Variants in NSUN2 observed in about 807,000 individuals in gnomAD.
NSUN2 encodes the protein RNA cytosine C(5)-methyltransferase NSUN2.
Under a neutral mutation model 92.7 loss-of-function variants are expected in NSUN2, and 63 were observed. That is an observed-to-expected ratio of 0.68 (90% CI 0.56 to 0.84). NSUN2 has a LOEUF of 0.84. Ranked by LOEUF, NSUN2 falls within the 40% of genes least tolerant of loss-of-function variation. NSUN2 has a pLI of 0.00. For synonymous variants in NSUN2, 356 were observed against 348.3 expected (o/e 1.02, Z -0.25); for missense variants, 989 against 964.9 (o/e 1.02, Z -0.33).
At chr5:6,604,324 T>C (rs1468516626) in intron 16 of NSUN2, 48 bp from the exon 17 acceptor site, 1 of 1,519,588 alleles carries the variant, frequency 6.6e-7, no homozygotes, top group Non-Finnish European at 9.0e-7. Flanking sequence ...ATGTCATTCA[T>C]GAACGACAAC....
chr5:6,599,888 CGT>C lies in NSUN2; in HGVS notation c.*36_*37del, dbSNP rs746234250. 5 of 1,584,472 alleles carry C rather than the reference CGT, an allele frequency of 3.2e-6. No individual in the cohort carries two copies. The highest frequency in any genetic ancestry group is 4.3e-6 in the Non-Finnish European group (5 of 1,162,798). The stretch of plus-strand genomic sequence containing the variant: ...CAGTGACCAGAAGAAGCCAGTTTTG[CGT>C]GTGAGGGGTGTGGGCCCCCGCTGCC... On this transcript the variant is annotated 3_prime_UTR_variant, in exon 19 of 19. Coordinates refer to ENST00000264670, the MANE Select transcript of NSUN2 (RefSeq NM_017755.6).
At chr5:6,632,536 C>T in intron 2 of NSUN2, 63 bp downstream of exon 2, 2 of 1,565,938 alleles carry the variant, frequency 1.3e-6, no homozygotes, top group Non-Finnish European at 1.7e-6. Flanking sequence ...AAGAAAACAC[C>T]GTCGCCTTTA....
At chr5:6,620,355 T>C (rs1258022407) in intron 6 of NSUN2, 57 bp from the exon 7 acceptor site, 2 of 1,327,132 alleles carry the variant, frequency 1.5e-6, no homozygotes, top group Non-Finnish European at 2.0e-6. Context: ...AATCACATCC[T>C]GAAATATGCG....
chr5:6,626,742 A>G (rs2126505943), intron 3 of NSUN2, among the ~76,000 whole-genome samples: 1 of 152,336 alleles, frequency 6.6e-6, no homozygotes, highest in South Asian at 2.1e-4. Context: ...GCTCAATCCA[A>G]TGCCAAACCA....
rs772720849 is a variant in NSUN2 at position 6,600,152 on chromosome 5, T to C, written c.2078A>G (p.Asn693Ser). The C allele has an allele frequency of 7.4e-6, 12 of 1,614,226 alleles. No individual in the cohort carries two copies. The South Asian group carries it at 1.1e-4, about 15-fold the overall frequency. The change falls in exon 19 of 19, where the codon AAT becomes AGT. Residue 693 changes from asparagine (N) to serine (S), a missense_variant. Asn to Ser is a conservative substitution (Grantham distance 46, BLOSUM62 1). Around this residue, in one of 3 missense-constraint regions of NSUN2, gnomAD observed 626 missense variants for 602.3 expected, o/e 1.04. Transcript: ENST00000264670. ...KASIRTFVPKNERLHYLRMMG... is the reference protein window; with the variant it reads ...KASIRTFVPKSERLHYLRMMG... ...CATCCTGAGATAATGAAGCCGTTCA[T>C]TCTTGGGCACAAAAGTTCGAATGGA...
intron 3 of NSUN2, among the ~76,000 whole-genome samples, chr5:6,630,005 T>G (rs181191459): frequency 4.1e-4 from 62 of 152,302 alleles, no homozygotes; most frequent in African/African-American, 1.4e-3. Context: ...AGTGTGAAAA[T>G]GGACTACTAC....
In NSUN2 at chr5:6,605,422, C is replaced by G. The variant is rs771558713; in HGVS notation, c.1602-14G>C. On this transcript the variant is annotated splice_polypyrimidine_tract_variant and intron_variant, in intron 14 of 18. Coordinates refer to ENST00000264670, the MANE Select transcript of NSUN2 (RefSeq NM_017755.6). Reference sequence around the variant, plus strand: ...GCATAAAATTTCCTGTACATAACAACATTGTTGTTTATCCACAATGAGTTC... The same window carrying G: ...GCATAAAATTTCCTGTACATAACAAGATTGTTGTTTATCCACAATGAGTTC... 3.1e-4 allele frequency: 497 copies of G among 1,613,006 alleles called. No individual in the cohort carries two copies. The Middle Eastern group carries it at 6.3e-3, about 20-fold the overall frequency.
Position 6,623,208 on chromosome 5 carries a change from T to C in NSUN2, c.537+6A>G, listed in dbSNP as rs1737527172. 1 of 1,596,136 alleles carries C rather than the reference T, an allele frequency of 6.3e-7. No individual in the cohort carries two copies. The highest frequency in any genetic ancestry group is 8.5e-7 in the Non-Finnish European group (1 of 1,175,576). ...CGCCCCCACGTTTCTAGTTGCTATA[T>C]GCTACCTTATGATGAGGCCGCACGT... On this transcript the variant is annotated splice_donor_region_variant and intron_variant, in intron 5 of 18. Transcript: ENST00000264670.
Position 6,605,273 on chromosome 5 carries a change from C to G in NSUN2, c.1737G>C (p.Lys579Asn), listed in dbSNP as rs1736720101. 1 of 1,613,918 alleles carries G rather than the reference C, an allele frequency of 6.2e-7. No homozygotes were observed. Among genetic ancestry groups the G allele is most frequent in the Admixed American group, 1.7e-5 (1 of 59,984 alleles). Residue 579 changes from lysine to asparagine, a missense_variant and splice_region_variant, in exon 15 of 19, where the codon AAG (lysine) becomes AAC (asparagine). Physicochemically the swap from Lys to Asn is moderately conservative, Grantham distance 94. This residue lies in a region of NSUN2 where 626 missense variants were observed against 602.3 expected (regional missense o/e 1.04). Coordinates refer to ENST00000264670, the MANE Select transcript of NSUN2 (RefSeq NM_017755.6). Reference sequence around the variant, plus strand: ...CACTCAGCGTCTGTGCGGCTGGCACCTTCATCTTCTCACTGTTATTCAGCA... The same window carrying G: ...CACTCAGCGTCTGTGCGGCTGGCACGTTCATCTTCTCACTGTTATTCAGCA... The part of the protein sequence containing the change: ...NVLLNNSEKM[K>N]VINTGIKVWC...
At chr5:6,623,855 CCT>C (rs3217323) in intron 4 of NSUN2, among the ~76,000 whole-genome samples, 54,447 of 151,928 alleles carry the variant, frequency 0.36, 9,955 homozygotes, top group Middle Eastern at 0.45. Context: ...CACTCCCTGC[CCT>C]CTGTCTTCTC....
At chr5:6,624,539 G>A (rs1737575299) in intron 4 of NSUN2, among the ~76,000 whole-genome samples, 1 of 152,150 alleles carries the variant, frequency 6.6e-6, no homozygotes, top group Non-Finnish European at 1.5e-5. Context: ...TCTTCCAAGT[G>A]CAAACCTGAG....
intron 3 of NSUN2, among the ~76,000 whole-genome samples, chr5:6,626,707 G>A (rs933231992): frequency 5.9e-5 from 9 of 152,184 alleles, no homozygotes; most frequent in Admixed American, 5.2e-4. Flanking sequence ...GTACAAATGA[G>A]CACACTGATG....
intron 10 of NSUN2, 111 bp from the exon 11 acceptor site, chr5:6,611,196 A>C: frequency 1.7e-6 from 2 of 1,207,172 alleles, no homozygotes; most frequent in Non-Finnish European, 1.2e-6. Context: ...ATTCTCATTC[A>C]CTCCAAAGAT....
intron 4 of NSUN2, among the ~76,000 whole-genome samples, chr5:6,625,000 G>A (rs772226132): frequency 4.6e-5 from 7 of 152,042 alleles, no homozygotes; most frequent in African/African-American, 9.7e-5. Context: ...GGGTGGCTAC[G>A]GAGAATGTGA....
chr5:6,613,596 A>C (rs930962588), intron 9 of NSUN2, among the ~76,000 whole-genome samples: 2 of 152,224 alleles, frequency 1.3e-5, no homozygotes, highest in East Asian at 3.8e-4. Context: ...AACAAAGCTC[A>C]ACTGCATGCC....
intron 4 of NSUN2, among the ~76,000 whole-genome samples, chr5:6,625,187 C>T (rs1485965843): frequency 6.6e-6 from 1 of 151,950 alleles, no homozygotes; most frequent in Non-Finnish European, 1.5e-5. Flanking sequence ...AACCAAAAAC[C>T]TATTCCCTAC....
chr5:6,629,470 G>T (rs1420275762), intron 3 of NSUN2, among the ~76,000 whole-genome samples: 1 of 152,180 alleles, frequency 6.6e-6, no homozygotes, highest in Non-Finnish European at 1.5e-5. Context: ...ATAGACACAT[G>T]CTGAAACGTT....
chr5:6,613,771 G>T (rs762439518), intron 9 of NSUN2, among the ~76,000 whole-genome samples: 1 of 152,170 alleles, frequency 6.6e-6, no homozygotes, highest in Non-Finnish European at 1.5e-5. Flanking sequence ...GCTGGACAGG[G>T]AAAGAGGGTG....
chr5:6,628,369 A>G (rs925361667), intron 3 of NSUN2, among the ~76,000 whole-genome samples: 1 of 152,150 alleles, frequency 6.6e-6, no homozygotes, highest in Admixed American at 6.6e-5. Flanking sequence ...TAAACAGCAC[A>G]TAAATAGAAT....
Sources: gnomAD v4.1 joint callset for allele counts (sites outside exome capture counted in the v4.1 genomes callset) on GRCh38, gnomAD v4.1.1 for gene constraint, gnomAD v4.1.1 regional missense constraint, MANE v1.5 for transcripts, NCBI Gene and HGNC (gene_info 2026-07-23, HGNC 2026-07-21) for gene names.